Variants in SYNE2 observed in about 807,000 individuals in gnomAD.
SYNE2 encodes the protein spectrin repeat containing nuclear envelope protein 2, also known as nesprin-2.
In SYNE2, 431 loss-of-function variants were observed where a neutral mutation model predicts 856.3. The ratio of observed to expected loss-of-function variants is 0.50; its 90% CI spans 0.47 to 0.55. The LOEUF (loss-of-function observed/expected upper bound fraction) is 0.55. Ranked by LOEUF, SYNE2 falls within the 20% of genes least tolerant of loss-of-function variation. The probability of loss-of-function intolerance (pLI) is 0.00; values close to 1 mark genes in which losing one functional copy is unlikely to be tolerated. For synonymous variants in SYNE2, 2,923 were observed against 2,872.3 expected (o/e 1.02, Z -0.56); for missense variants, 8,129 against 8,023.2 (o/e 1.01, Z -0.50).
rs138500248 is a variant in SYNE2, at chr14:64,015,552, G to A, written c.4729-921G>A. On this transcript the variant is annotated intron_variant, in intron 32 of 115. Transcript: ENST00000555002. ...TAGTGGTATCCCTATTTCATTCCTA[G>A]GACTGTATTGCTTTCTTCTGTCTTT... Among the ~76,000 whole-genome samples the A allele has an allele frequency of 1.3e-3, 198 of 151,974 alleles. 6 individuals carry two copies. The East Asian group carries it at 0.033, about 26-fold the overall frequency.
intron 74 of SYNE2, among the ~76,000 whole-genome samples, chr14:64,129,292 G>C (rs889520086): frequency 6.6e-6 from 1 of 152,182 alleles, no homozygotes; most frequent in Non-Finnish European, 1.5e-5. Flanking sequence ...GGGTGACAGA[G>C]CCAGACTTTT....
intron 71 of SYNE2, 118 bp downstream of exon 71, chr14:64,125,328 T>C (rs1850332416): frequency 7.0e-7 from 1 of 1,424,334 alleles, no homozygotes; most frequent in African/African-American, 1.4e-5. Flanking sequence ...CATAATGGAA[T>C]GGGTCCTAGG....
intron 19 of SYNE2, among the ~76,000 whole-genome samples, chr14:63,988,491 T>C (rs1448972627): frequency 2.6e-5 from 4 of 152,216 alleles, no homozygotes; most frequent in Admixed American, 2.6e-4. Flanking sequence ...AAATGATAAA[T>C]GAACATGCTA....
rs146052780 is a variant in SYNE2 at position 64,132,403 on chromosome 14, C to T, written c.14479C>T (p.Arg4827Cys). The change falls in exon 77 of 116, where the codon CGC becomes TGC. Residue 4827 changes from arginine (R) to cysteine (C), a missense_variant. This residue lies in a region of SYNE2 where 5,410 missense variants were observed against 5,284.8 expected (regional missense o/e 1.02). Transcript: ENST00000555002. ...AGTTAAAATACTAGAAGAAAAGTCA[C>T]GCCAATGTGGTATGAAGCTGCAGAG... The part of the protein sequence containing the change: ...TEVKILEEKS[R>C]QCGMKLQSLL... 43 of 1,614,006 alleles carry T rather than the reference C, an allele frequency of 2.7e-5. No individual in the cohort carries two copies. Among genetic ancestry groups the T allele is most frequent in the Admixed American group, 1.0e-4 (6 of 60,002 alleles).
At chr14:64,193,431 T>C (rs540099650) in intron 99 of SYNE2, among the ~76,000 whole-genome samples, 41 of 152,034 alleles carry the variant, frequency 2.7e-4, no homozygotes, top group Admixed American at 7.2e-4. Context: ...GCACCTGTAG[T>C]CCCAGCTACT....
chr14:64,051,258 C>T (rs2153575657), intron 47 of SYNE2, among the ~76,000 whole-genome samples: 1 of 151,726 alleles, frequency 6.6e-6, no homozygotes, highest in Admixed American at 6.6e-5. Context: ...ACATTCTTCC[C>T]TTCACTTCAT....
In SYNE2 at chr14:64,122,271, GTTC is replaced by G; in HGVS notation, c.13281-8_13281-6del. 4.3e-6 allele frequency: 7 copies of G among 1,614,146 alleles called. No individual in the cohort carries two copies. Among genetic ancestry groups the G allele is most frequent in the Non-Finnish European group, 4.2e-6 (5 of 1,180,000 alleles). ...GTGTTGATTATTCTCTTCACCTTTT[GTTC>G]TTCTTCAAAAGCAACCAGGCATCCA... On this transcript the variant is annotated splice_polypyrimidine_tract_variant and intron_variant, in intron 69 of 115. Coordinates refer to ENST00000555002, the MANE Select transcript of SYNE2 (RefSeq NM_182914.3).
intron 98 of SYNE2, 54 bp downstream of exon 98, chr14:64,188,762 C>T (rs2098503754): frequency 6.3e-7 from 1 of 1,587,538 alleles, no homozygotes; most frequent in South Asian, 1.1e-5. Flanking sequence ...AATTGTCGGC[C>T]CTCCTCACTC....
chr14:63,888,999 C>A (rs150398676), intron 1 of SYNE2, among the ~76,000 whole-genome samples: 177 of 139,110 alleles, frequency 1.3e-3, no homozygotes, highest in African/African-American at 4.6e-3. Flanking sequence ...CTCAGGAGTT[C>A]AACACCACCC....
chr14:64,194,243 G>A (rs772883394), intron 99 of SYNE2, among the ~76,000 whole-genome samples: 24 of 152,168 alleles, frequency 1.6e-4, no homozygotes, highest in Admixed American at 2.6e-4. Flanking sequence ...CAAATTAAAG[G>A]AAGAGTTAAA....
Position 64,016,528 on chromosome 14 carries a change from A to G in SYNE2, c.4784A>G (p.Asn1595Ser), listed in dbSNP as rs1222760315. ...NEHLEVVDKI[N>S]QVCKNLQFYL... is the part of the protein sequence containing the mutation. ...CATTTAGAAGTTGTAGACAAGATAA[A>G]CCAGGTCTGCAAAAATCTACAATTT... Residue 1595 changes from asparagine to serine, a missense_variant, in exon 33 of 116, where the codon AAC (asparagine) becomes AGC (serine). Physicochemically the swap from Asn to Ser is conservative, Grantham distance 46 (BLOSUM62 1). This residue lies in a region of SYNE2 where 2,422 missense variants were observed against 2,357.4 expected (regional missense o/e 1.03). Coordinates refer to ENST00000555002, the MANE Select transcript of SYNE2 (RefSeq NM_182914.3). 3 of 1,604,462 alleles carry G rather than the reference A, an allele frequency of 1.9e-6. No homozygotes were observed. The South Asian group carries it at 3.4e-5, about 18-fold the overall frequency.
chr14:63,763,025 C>A (rs181342340), intron 1 of SYNE2, among the ~76,000 whole-genome samples: 1 of 152,128 alleles, frequency 6.6e-6, no homozygotes, highest in Non-Finnish European at 1.5e-5. Flanking sequence ...TGTAGTGCTA[C>A]GGCACAATCT....
chr14:64,069,782 C>T (rs1400505705), intron 51 of SYNE2, among the ~76,000 whole-genome samples: 4 of 152,206 alleles, frequency 2.6e-5, no homozygotes, highest in Non-Finnish European at 5.9e-5. Flanking sequence ...GTTTCTCAGC[C>T]TCTGGCATGT....
intron 1 of SYNE2, among the ~76,000 whole-genome samples, chr14:63,832,908 C>CA (rs1889722424): frequency 1.4e-5 from 2 of 147,520 alleles, no homozygotes; most frequent in African/African-American, 5.0e-5. Context: ...GGTATGGTGG[C>CA]ACGTGCCTAT....
chr14:63,829,506 C>T (rs1018453060), intron 1 of SYNE2, among the ~76,000 whole-genome samples: 4 of 152,144 alleles, frequency 2.6e-5, no homozygotes, highest in African/African-American at 7.2e-5. Flanking sequence ...CCAGCAATTC[C>T]ACTCCTAGAT....
At chr14:63,762,765 C>T (rs942654938) in intron 1 of SYNE2, among the ~76,000 whole-genome samples, 1 of 151,612 alleles carries the variant, frequency 6.6e-6, no homozygotes, top group South Asian at 2.1e-4. Context: ...AGGACAAACA[C>T]GCTGAACTAT....
chr14:64,187,154 G>A (rs1366908403), intron 97 of SYNE2, among the ~76,000 whole-genome samples: 3 of 152,112 alleles, frequency 2.0e-5, no homozygotes, highest in Non-Finnish European at 2.9e-5. Flanking sequence ...AGTATTACAC[G>A]GTATAGGCTT....
chr14:64,076,543 C>T (rs1283884786), intron 54 of SYNE2, among the ~76,000 whole-genome samples: 2 of 152,034 alleles, frequency 1.3e-5, no homozygotes, highest in East Asian at 1.9e-4. Flanking sequence ...GTCTGTCTAA[C>T]GATGATGTTA....
At chr14:64,151,523 A>AG (rs2098243930) in intron 84 of SYNE2, among the ~76,000 whole-genome samples, 1 of 148,936 alleles carries the variant, frequency 6.7e-6, no homozygotes, top group East Asian at 1.9e-4. Context: ...AAAAAAAAAA[A>AG]AAAAGGCTGG....
Sources: allele counts gnomAD v4.1 joint callset (sites outside exome capture counted in the v4.1 genomes callset), GRCh38; gene constraint gnomAD v4.1.1; regional missense constraint gnomAD v4.1.1; transcripts MANE v1.5; gene names NCBI Gene and HGNC (gene_info 2026-07-23, HGNC 2026-07-21).